Variants in BICD1 observed in about 807,000 individuals in gnomAD.
BICD1 encodes the protein protein bicaudal D homolog 1.
BICD1 carries 35 observed loss-of-function variants against 92.5 expected under a neutral mutation model. That is an observed-to-expected ratio of 0.38 (90% CI 0.29 to 0.50). The LOEUF is 0.50. Among genes scored for constraint, BICD1 ranks in the 20% least tolerant of loss-of-function variants. BICD1 has a pLI of 0.93. For missense variants in BICD1, 950 were observed against 1,189.8 expected, an observed-to-expected ratio of 0.80 and a Z score of 2.97; for synonymous variants, 429 against 465.1, an observed-to-expected ratio of 0.92 and a Z score of 1.00.
intron 1 of BICD1, among the ~76,000 whole-genome samples, chr12:32,134,679 C>G (rs1026731201): frequency 1.3e-5 from 2 of 152,098 alleles, no homozygotes; most frequent in African/African-American, 2.4e-5. Context: ...TCCTTAATAC[C>G]TCAGAATTAG....
intron 2 of BICD1, among the ~76,000 whole-genome samples, chr12:32,251,941 G>A (rs1381343412): frequency 1.6e-5 from 2 of 126,700 alleles, no homozygotes; most frequent in African/African-American, 6.1e-5. Context: ...GGGCGCTCGG[G>A]AGTTTGTTTT....
intron 2 of BICD1, among the ~76,000 whole-genome samples, chr12:32,293,531 T>C (rs1258501108): frequency 6.6e-6 from 1 of 151,746 alleles, no homozygotes; most frequent in Non-Finnish European, 1.5e-5. Context: ...GGTTTCACCA[T>C]GTTGGCCAGG....
intron 8 of BICD1, chr12:32,340,130 C>T (rs1262198607): frequency 2.0e-6 from 2 of 985,052 alleles, no homozygotes; most frequent in Admixed American, 6.2e-5. Context: ...TTTTGCAAAC[C>T]TCAGCCTTTG....
intron 2 of BICD1, among the ~76,000 whole-genome samples, chr12:32,230,841 T>C (rs1945863390): frequency 7.5e-6 from 1 of 133,030 alleles, no homozygotes; most frequent in African/African-American, 2.6e-5. Flanking sequence ...CAGGTTTCTG[T>C]TAAAGGAAGG....
At chr12:32,297,499 A>T (rs1339584201) in intron 3 of BICD1, among the ~76,000 whole-genome samples, 1 of 150,196 alleles carries the variant, frequency 6.7e-6, no homozygotes, top group Admixed American at 6.8e-5. Context: ...CCCGGCCCTA[A>T]TTAATGAAGT....
At chr12:32,229,928 G>T (rs567372587) in intron 2 of BICD1, among the ~76,000 whole-genome samples, 1 of 152,286 alleles carries the variant, frequency 6.6e-6, no homozygotes, top group East Asian at 1.9e-4. Flanking sequence ...AGGAGAAAAG[G>T]ATGGAATCTA....
At chr12:32,247,195 G>A (rs148115162) in intron 2 of BICD1, among the ~76,000 whole-genome samples, 2 of 148,938 alleles carry the variant, frequency 1.3e-5, no homozygotes, top group Admixed American at 1.3e-4. Context: ...TAACAGACTC[G>A]CTCTGGGTTT....
At chr12:32,156,682 A>G (rs1943448692) in intron 1 of BICD1, among the ~76,000 whole-genome samples, 2 of 152,176 alleles carry the variant, frequency 1.3e-5, no homozygotes, top group Non-Finnish European at 2.9e-5. Flanking sequence ...TGTCAAGTTT[A>G]CATTTTGAAA....
chr12:32,316,800 A>C (rs1367875217), intron 4 of BICD1, among the ~76,000 whole-genome samples: 2 of 151,802 alleles, frequency 1.3e-5, no homozygotes, highest in African/African-American at 4.8e-5. Flanking sequence ...GGTGTGCTGC[A>C]CCCATTAACT....
intron 2 of BICD1, among the ~76,000 whole-genome samples, chr12:32,226,922 C>T (rs953999573): frequency 6.6e-6 from 1 of 152,206 alleles, no homozygotes; most frequent in African/African-American, 2.4e-5. Flanking sequence ...GGAATGTGGG[C>T]TCACAGTTTC....
At chr12:32,339,330 T>C (rs964466866) in intron 8 of BICD1, 1 of 1,007,592 alleles carries the variant, frequency 9.9e-7, no homozygotes, top group African/African-American at 1.7e-5. Flanking sequence ...GCCAGTTCTC[T>C]CTTATCGTTT....
chr12:32,322,545 G>C (rs1373255892), intron 4 of BICD1, among the ~76,000 whole-genome samples: 2 of 152,140 alleles, frequency 1.3e-5, no homozygotes, highest in East Asian at 3.9e-4. Context: ...ATGTTTGCTC[G>C]CCTGCCACTC....
intron 1 of BICD1, among the ~76,000 whole-genome samples, chr12:32,118,833 A>G (rs1942042681): frequency 6.6e-6 from 1 of 152,172 alleles, no homozygotes; most frequent in African/African-American, 2.4e-5. Flanking sequence ...TATTCATTCA[A>G]AAATTTGTAT....
intron 2 of BICD1, among the ~76,000 whole-genome samples, chr12:32,290,258 A>T (rs75817905): frequency 0.012 from 1,847 of 152,304 alleles, 29 homozygotes; most frequent in African/African-American, 0.033. Flanking sequence ...ATTCCATAGG[A>T]TATTACATTA....
intron 2 of BICD1, among the ~76,000 whole-genome samples, chr12:32,289,542 C>T (rs922378195): frequency 6.6e-6 from 1 of 152,196 alleles, no homozygotes; most frequent in African/African-American, 2.4e-5. Flanking sequence ...CGTGCCACCA[C>T]ACCCAGCTAA....
At chr12:32,192,192 G>A (rs573189502) in intron 1 of BICD1, among the ~76,000 whole-genome samples, 56 of 152,228 alleles carry the variant, frequency 3.7e-4, no homozygotes, top group South Asian at 1.0e-3. Flanking sequence ...AGCACTTTGG[G>A]AGGCCAAGGT....
intron 1 of BICD1, among the ~76,000 whole-genome samples, chr12:32,213,549 C>T (rs755363824): frequency 2.9e-4 from 44 of 152,316 alleles, no homozygotes; most frequent in Middle Eastern, 3.4e-3. Flanking sequence ...GCACACACCA[C>T]CACGCCTGGC....
chr12:32,363,152 T>C (rs982201543), intron 8 of BICD1, among the ~76,000 whole-genome samples: 1 of 152,240 alleles, frequency 6.6e-6, no homozygotes, highest in Non-Finnish European at 1.5e-5. Context: ...GTGAGGCCCT[T>C]GTTTATGGAG....
intron 8 of BICD1, chr12:32,339,470 GC>G: frequency 1.0e-6 from 1 of 985,498 alleles, no homozygotes; most frequent in Non-Finnish European, 1.2e-6. Context: ...CTAAGATTTT[GC>G]TCCTCAAGAA....
Sources: allele counts gnomAD v4.1 joint callset (sites outside exome capture counted in the v4.1 genomes callset), GRCh38; gene constraint gnomAD v4.1.1; transcripts MANE v1.5; gene names NCBI Gene and HGNC (gene_info 2026-07-23, HGNC 2026-07-21).